The following APBB2 variants were observed in gnomAD, a reference collection of about 807,000 sequenced individuals.
APBB2 encodes Fe65-like 1.
A neutral mutation model predicts 82.5 loss-of-function variants in APBB2; 38 were observed. That is an observed-to-expected ratio of 0.46 (90% CI 0.36 to 0.60). The LOEUF is 0.60. APBB2 is among the 20% of genes least tolerant of loss of function. The pLI is 0.00. For missense variants in APBB2, 772 were observed against 972.3 expected, an observed-to-expected ratio of 0.79 and a Z score of 2.74; for synonymous variants, 341 against 368.2, an observed-to-expected ratio of 0.93 and a Z score of 0.85.
chr4:40,834,669 C>A (rs1002099455), intron 12 of APBB2, among the ~76,000 whole-genome samples: 1 of 152,112 alleles, frequency 6.6e-6, no homozygotes, highest in African/African-American at 2.4e-5. Flanking sequence ...GTGGGCCCCG[C>A]AAATTCACAA....
intron 6 of APBB2, among the ~76,000 whole-genome samples, chr4:40,950,818 G>A (rs1234127732): frequency 6.6e-6 from 1 of 151,636 alleles, no homozygotes; most frequent in Non-Finnish European, 1.5e-5. Flanking sequence ...ACTCCAACTT[G>A]GGTGACAGAG....
At position 40,822,012 on chromosome 4, in the gene APBB2, G is replaced by T; in HGVS notation, c.1971C>A (p.Phe657Leu). 6.2e-7 allele frequency: 1 copy of T among 1,614,178 alleles called. No homozygotes were observed. Among genetic ancestry groups the T allele is most frequent in the South Asian group, 1.1e-5 (1 of 91,076 alleles). The change falls in exon 17 of 18, where the codon TTC (phenylalanine) becomes TTA (leucine). Residue 657 changes from phenylalanine to leucine, a missense_variant. Physicochemically the swap from Phe to Leu is conservative, Grantham distance 22. Transcript: ENST00000508593. ...CCTTCCCAACACCCATGAAGGACAG[G>T]AATCGCACACGACATTCCACTAAGA... ...EEVLVECRVRFLSFMGVGKDV... is the reference protein window; with the variant it reads ...EEVLVECRVRLLSFMGVGKDV...
At chr4:40,990,338 C>T (rs951304340) in intron 6 of APBB2, 8 of 152,118 alleles carry the variant, frequency 5.3e-5, no homozygotes, top group South Asian at 2.1e-4. Flanking sequence ...CTCTCTTTCT[C>T]TCTCCAGCTG....
chr4:41,123,820 C>A (rs1238684134), intron 2 of APBB2, among the ~76,000 whole-genome samples: 2 of 149,824 alleles, frequency 1.3e-5, no homozygotes, highest in Non-Finnish European at 3.0e-5. Context: ...GACTCTGTCT[C>A]ACAAAAAAAA....
Position 40,827,148 on chromosome 4 carries a change from G to C in APBB2, c.1716C>G (p.Leu572=). 1.2e-6 allele frequency: 2 copies of C among 1,614,158 alleles called. No homozygotes were observed. The highest frequency in any genetic ancestry group is 1.7e-6 in the Non-Finnish European group (2 of 1,180,006). Residue 572 remains leucine, a synonymous_variant, in exon 14 of 18, where the codon CTC becomes CTG. Coordinates refer to ENST00000508593, the MANE Select transcript of APBB2 (RefSeq NM_004307.2). ...CTGACTTACCTTGCAAAGGGACATC[G>C]AGGTTCACATTGGCCCTTTCCTGTA... is the stretch of plus-strand genomic sequence containing the variant. ...SSLQERANVN[L]DVPLQVDFPT... is the part of the protein sequence containing the mutation.
At chr4:40,879,743 G>A (rs998126566) in intron 12 of APBB2, among the ~76,000 whole-genome samples, 1 of 150,618 alleles carries the variant, frequency 6.6e-6, no homozygotes, top group African/African-American at 2.5e-5. Context: ...CCAGGCTGGA[G>A]TGCAATGGCA....
At chr4:40,978,970 T>C (rs1396134755) in intron 6 of APBB2, among the ~76,000 whole-genome samples, 3 of 151,970 alleles carry the variant, frequency 2.0e-5, no homozygotes, top group Non-Finnish European at 4.4e-5. Context: ...GGAAAAGTAA[T>C]GATAGAAAAG....
chr4:41,199,969 G>A (rs1776287472), intron 1 of APBB2, among the ~76,000 whole-genome samples: 2 of 152,184 alleles, frequency 1.3e-5, no homozygotes, highest in African/African-American at 2.4e-5. Context: ...CCTTTAGACA[G>A]ATTTGGGGAA....
chr4:41,149,745 G>A (rs970819688), intron 1 of APBB2, among the ~76,000 whole-genome samples: 2 of 152,126 alleles, frequency 1.3e-5, no homozygotes, highest in Non-Finnish European at 2.9e-5. Context: ...TCATGGCAGG[G>A]ACCCAGTGGG....
At chr4:40,839,033 GTGAATAATATA>G (rs1186300493) in intron 12 of APBB2, among the ~76,000 whole-genome samples, 1 of 152,028 alleles carries the variant, frequency 6.6e-6, no homozygotes, top group Non-Finnish European at 1.5e-5. Context: ...GAAAGCTCCA[GTGAATAATATA>G]TATATGTCTT....
intron 6 of APBB2, among the ~76,000 whole-genome samples, chr4:40,967,525 T>C (rs1171929564): frequency 1.3e-5 from 2 of 152,150 alleles, no homozygotes; most frequent in African/African-American, 2.4e-5. Context: ...GGAAGTTACT[T>C]GCAGTATGCC....
At chr4:40,846,386 G>A (rs902353955) in intron 12 of APBB2, among the ~76,000 whole-genome samples, 1 of 151,376 alleles carries the variant, frequency 6.6e-6, no homozygotes, top group Non-Finnish European at 1.5e-5. Flanking sequence ...ATTTTGGAAG[G>A]GGGCAGAGCT....
At chr4:41,021,463 G>A (rs1278897729) in intron 5 of APBB2, among the ~76,000 whole-genome samples, 2 of 152,060 alleles carry the variant, frequency 1.3e-5, no homozygotes, top group Non-Finnish European at 2.9e-5. Context: ...GCACCAATCA[G>A]CACTCTGTGT....
At chr4:40,846,326 C>CAAAAAAAAAAAAAAAAAAAA (rs3086182) in intron 12 of APBB2, among the ~76,000 whole-genome samples, 1 of 62,516 alleles carries the variant, frequency 1.6e-5, no homozygotes, top group Non-Finnish European at 3.0e-5. Flanking sequence ...GAAAACACTC[C>CAAAAAAAAAAAAAAAAAAAA]AAAAAAAAAA....
In APBB2 at chr4:41,179,587, C is replaced by T. The variant is rs534019987; in HGVS notation, c.-417+34818G>A. 8.1e-4 allele frequency among the ~76,000 whole-genome samples: 123 copies of T among 152,266 alleles called. 1 individual carries two copies. Among genetic ancestry groups the T allele is most frequent in the South Asian group, 1.2e-3 (6 of 4,818 alleles). Reference sequence around the variant, plus strand: ...TTGGGAATCTCACGCTTCTAGATTACCAGCCCAGAACCACAACTCTAAATA... The same window carrying T: ...TTGGGAATCTCACGCTTCTAGATTATCAGCCCAGAACCACAACTCTAAATA... On this transcript the variant is annotated intron_variant, in intron 1 of 17. Transcript: ENST00000508593.
intron 5 of APBB2, among the ~76,000 whole-genome samples, chr4:41,019,404 G>A (rs1254668528): frequency 6.6e-6 from 1 of 152,162 alleles, no homozygotes; most frequent in Non-Finnish European, 1.5e-5. Context: ...AAGAGAGGCG[G>A]TAAGGACAAG....
chr4:41,029,270 G>A (rs1715736346), intron 5 of APBB2, among the ~76,000 whole-genome samples: 1 of 152,178 alleles, frequency 6.6e-6, no homozygotes, highest in Non-Finnish European at 1.5e-5. Context: ...CTTTTAGGAG[G>A]GAGAAGCTAA....
chr4:41,159,438 C>T (rs1764288707), intron 1 of APBB2, among the ~76,000 whole-genome samples: 1 of 152,110 alleles, frequency 6.6e-6, no homozygotes, highest in Non-Finnish European at 1.5e-5. Context: ...GTAAATCTGC[C>T]AAGACAACAA....
intron 6 of APBB2, among the ~76,000 whole-genome samples, chr4:40,992,967 T>C (rs1041314869): frequency 3.9e-5 from 6 of 152,230 alleles, no homozygotes; most frequent in African/African-American, 1.4e-4. Context: ...TACACAATCG[T>C]AGTCCCTCTT....
Sources: allele counts gnomAD v4.1 joint callset (sites outside exome capture counted in the v4.1 genomes callset), GRCh38; gene constraint gnomAD v4.1.1; transcripts MANE v1.5; gene names NCBI Gene and HGNC (gene_info 2026-07-23, HGNC 2026-07-21).